The following FARP2 variants were observed in gnomAD, a reference collection of about 807,000 sequenced individuals.
FARP2 encodes FERM, ARHGEF and pleckstrin domain-containing protein 2.
A neutral mutation model predicts 130.5 loss-of-function variants in FARP2; 111 were observed. That is an observed-to-expected ratio of 0.85 (90% CI 0.73 to 1.00). The LOEUF (loss-of-function observed/expected upper bound fraction) is 1.00, where lower values mean the gene tolerates loss of function less well. FARP2 is among the 50% of genes least tolerant of loss of function. FARP2 has a pLI of 0.00. For synonymous variants in FARP2, 504 were observed against 516.9 expected (o/e 0.98, Z 0.34); for missense variants, 1,385 against 1,346.3 (o/e 1.03, Z -0.45).
intron 1 of FARP2, among the ~76,000 whole-genome samples, chr2:241,363,124 A>G (rs1374729895): frequency 1.3e-5 from 2 of 152,244 alleles, no homozygotes; most frequent in Non-Finnish European, 2.9e-5. Context: ...TCTTCCCTTC[A>G]GCATCCCCTG....
chr2:241,393,300 G>T (rs4675962), intron 2 of FARP2, among the ~76,000 whole-genome samples: 11,533 of 152,168 alleles, frequency 0.076, 489 homozygotes, highest in Middle Eastern at 0.15. Flanking sequence ...GATGAAAGAC[G>T]TGAGCCACTG....
At chr2:241,466,039 C>T in intron 17 of FARP2, 1 of 1,266,334 alleles carries the variant, frequency 7.9e-7, no homozygotes, top group Non-Finnish European at 1.0e-6. Flanking sequence ...GATTATCATA[C>T]TGTAGTCATC....
intron 13 of FARP2, chr2:241,445,113 G>A (rs560837841): frequency 6.6e-6 from 1 of 151,834 alleles, no homozygotes; most frequent in South Asian, 2.1e-4. Flanking sequence ...AAAAATTTTT[G>A]TGGAGACAGG....
At chr2:241,410,934 T>TC in intron 5 of FARP2, 99 bp from the exon 6 acceptor site, 1 of 852,238 alleles carries the variant, frequency 1.2e-6, no homozygotes, top group Admixed American at 2.1e-5. Context: ...CACTGCCACT[T>TC]CCCAGGGCTC....
Position 241,461,421 on chromosome 2 carries a change from C to A in FARP2, c.1588-1102C>A, listed in dbSNP as rs151064809. ...GACCCCAAAGGGTCCAGAAGGCCCA[C>A]GTGGCCTGCTTCCCCACCAATAGCC... On this transcript the variant is annotated intron_variant, in intron 14 of 26. Transcript: ENST00000264042. Among the ~76,000 whole-genome samples the A allele has an allele frequency of 3.9e-3, 588 of 151,780 alleles. 2 individuals are homozygous for A. Among genetic ancestry groups the A allele is most frequent in the African/African-American group, 0.014 (561 of 41,538 alleles).
chr2:241,449,750 G>A (rs951486606), intron 13 of FARP2, among the ~76,000 whole-genome samples: 3 of 152,176 alleles, frequency 2.0e-5, no homozygotes, highest in Non-Finnish European at 4.4e-5. Flanking sequence ...TGTAATCCCA[G>A]CACTTTGGGA....
intron 11 of FARP2, 114 bp from the exon 12 acceptor site, chr2:241,436,367 G>GCTACATT: frequency 1.2e-6 from 1 of 861,026 alleles, no homozygotes; most frequent in East Asian, 2.5e-5. Flanking sequence ...ATACCTCTTA[G>GCTACATT]CTACATTTTC....
intron 2 of FARP2, among the ~76,000 whole-genome samples, chr2:241,375,168 G>A (rs1202836425): frequency 6.6e-6 from 1 of 152,024 alleles, no homozygotes; most frequent in Non-Finnish European, 1.5e-5. Flanking sequence ...AGCCAGTATG[G>A]TCTCGATCCC....
In FARP2 at chr2:241,489,878, C is replaced by T. The variant is rs539240221; in HGVS notation, c.2422-84C>T. On this transcript the variant is annotated intron_variant, in intron 21 of 26. Coordinates refer to ENST00000264042, the MANE Select transcript of FARP2 (RefSeq NM_014808.4). ...GCTTCCAAGCCCCACCTAGCATTGC[C>T]AGCAGTCACCTTGTGTCCTGCTCAG... 456 of 899,196 alleles carry T rather than the reference C, an allele frequency of 5.1e-4. 5 individuals are homozygous for T. In the South Asian group the frequency reaches 6.3e-3, roughly 12 times the overall value. 55.7% of individuals were successfully genotyped at this position (899,196 alleles called of 1,614,324 possible).
At chr2:241,452,378 C>G (rs971659851) in intron 13 of FARP2, among the ~76,000 whole-genome samples, 4 of 152,096 alleles carry the variant, frequency 2.6e-5, no homozygotes, top group Non-Finnish European at 4.4e-5. Flanking sequence ...GTTACACATT[C>G]ATCGCCAGTT....
At chr2:241,471,947 C>A (rs79598769) in intron 18 of FARP2, among the ~76,000 whole-genome samples, 8 of 60,028 alleles carry the variant, frequency 1.3e-4, no homozygotes, top group Non-Finnish European at 2.6e-4. Context: ...CTGTGGTGAT[C>A]CTGTTCTGAA....
At chr2:241,483,892 C>T (rs1181954764) in intron 20 of FARP2, 1 of 985,448 alleles carries the variant, frequency 1.0e-6, no homozygotes, top group African/African-American at 1.7e-5. Flanking sequence ...ACTGTTGGCT[C>T]AGAAGCCCCT....
chr2:241,479,436 G>C (rs2064558994), intron 19 of FARP2, among the ~76,000 whole-genome samples: 9 of 152,230 alleles, frequency 5.9e-5, no homozygotes, highest in Admixed American at 5.9e-4. Flanking sequence ...AGTCTGCTCT[G>C]CCTCCCAGGT....
chr2:241,468,638 G>A (rs559614548), intron 18 of FARP2, among the ~76,000 whole-genome samples: 14 of 152,222 alleles, frequency 9.2e-5, no homozygotes, highest in Non-Finnish European at 1.8e-4. Context: ...CCATCTCCAC[G>A]TCTGAGCAGT....
intron 2 of FARP2, among the ~76,000 whole-genome samples, chr2:241,396,282 T>C (rs1322754205): frequency 2.0e-5 from 3 of 152,190 alleles, no homozygotes; most frequent in Non-Finnish European, 4.4e-5. Context: ...GGGCAAGGAC[T>C]TCATTTCTAA....
At chr2:241,425,634 TAAAAAAAAAAA>T (rs1167925220) in intron 8 of FARP2, among the ~76,000 whole-genome samples, 9 of 45,980 alleles carry the variant, frequency 2.0e-4, no homozygotes, top group East Asian at 1.4e-3. Flanking sequence ...TCCTACCAAG[TAAAAAAAAAAA>T]AAAAAAAAAA....
In FARP2 at chr2:241,491,618, T is replaced by C. The variant is rs199733188; in HGVS notation, c.2726T>C (p.Met909Thr). 4.3e-6 allele frequency: 7 copies of C among 1,613,690 alleles called. No homozygotes were observed. The East Asian group carries it at 1.3e-4, about 31-fold the overall frequency. ...GGCCAGCACCGGGCCAACACCACAA[T>C]GCACGTGTGCTGGTACCGGAACACC... ...GHGQHRANTT[M>T]HVCWYRNTSV... is the part of the protein sequence containing the mutation. Residue 909 changes from methionine to threonine, a missense_variant, in exon 24 of 27, where the codon ATG becomes ACG. Physicochemically the swap from Met to Thr is moderately conservative, Grantham distance 81 (BLOSUM62 -1). Transcript: ENST00000264042.
At chr2:241,368,543 T>C (rs1463402954) in intron 1 of FARP2, among the ~76,000 whole-genome samples, 1 of 152,188 alleles carries the variant, frequency 6.6e-6, no homozygotes, top group Admixed American at 6.5e-5. Flanking sequence ...TGAAACAGCC[T>C]CAGCCTCCCG....
chr2:241,405,701 A>G (rs2062315369), intron 4 of FARP2, among the ~76,000 whole-genome samples: 1 of 152,238 alleles, frequency 6.6e-6, no homozygotes, highest in South Asian at 2.1e-4. Flanking sequence ...TGGGAGGCCC[A>G]AGCGGGCAGA....
Sources: allele counts gnomAD v4.1 joint callset (sites outside exome capture counted in the v4.1 genomes callset), GRCh38; gene constraint gnomAD v4.1.1; transcripts MANE v1.5; gene names NCBI Gene and HGNC (gene_info 2026-07-23, HGNC 2026-07-21).